PCDH9: variants seen among roughly 807,000 people sequenced by gnomAD.
PCDH9 encodes the protein protocadherin 9, also known as protocadherin-9.
In PCDH9, 24 loss-of-function variants were observed where a neutral mutation model predicts 70.6. The ratio of observed to expected loss-of-function variants is 0.34; its 90% CI spans 0.25 to 0.48. The LOEUF (loss-of-function observed/expected upper bound fraction) is 0.48. Among genes scored for constraint, PCDH9 ranks in the 20% least tolerant of loss-of-function variants. PCDH9 has a pLI of 0.99. For synonymous variants in PCDH9, 562 were observed against 558.5 expected (o/e 1.01, Z -0.09); for missense variants, 1,281 against 1,503.6 (o/e 0.85, Z 2.45).
rs527573720 is a variant in PCDH9, at chr13:67,110,586, T to C, written c.3036+114819A>G. 3.9e-5 allele frequency among the ~76,000 whole-genome samples: 6 copies of C among 152,040 alleles called. No individual in the cohort carries two copies. The East Asian group carries it at 1.2e-3, about 29-fold the overall frequency. ...ACATAAGGGATCTGTGTGACTTTTA[T>C]TGTGATTCTTAATGGTGGATGATTA... On this transcript the variant is annotated intron_variant, in intron 2 of 4. Transcript: ENST00000377865.
chr13:66,601,156 G>C (rs1297792783), intron 4 of PCDH9, among the ~76,000 whole-genome samples: 3 of 145,490 alleles, frequency 2.1e-5, no homozygotes, highest in East Asian at 1.9e-4. Flanking sequence ...CTATTCTTTA[G>C]ACTATAGCTA....
chr13:66,308,140 C>G (rs1955500988), intron 4 of PCDH9, among the ~76,000 whole-genome samples: 1 of 152,006 alleles, frequency 6.6e-6, no homozygotes. Context: ...GGGCCGTTAA[C>G]TGTTTTAGGA....
chr13:66,310,550 C>A (rs540888141), intron 4 of PCDH9, among the ~76,000 whole-genome samples: 5 of 151,948 alleles, frequency 3.3e-5, no homozygotes, highest in African/African-American at 1.2e-4. Context: ...GACCACCGAC[C>A]TTTCAATCTC....
chr13:66,438,122 T>C (rs1427366101), intron 4 of PCDH9, among the ~76,000 whole-genome samples: 1 of 151,562 alleles, frequency 6.6e-6, no homozygotes, highest in African/African-American at 2.4e-5. Flanking sequence ...TAATCCCGGA[T>C]ACTCAGGAGG....
chr13:66,426,005 T>G (rs1957661961), intron 4 of PCDH9, among the ~76,000 whole-genome samples: 1 of 151,624 alleles, frequency 6.6e-6, no homozygotes, highest in Non-Finnish European at 1.5e-5. Context: ...GTCTAATAAA[T>G]TATAGCTATG....
intron 4 of PCDH9, among the ~76,000 whole-genome samples, chr13:66,618,989 A>T (rs140783782): frequency 6.6e-6 from 1 of 152,322 alleles, no homozygotes; most frequent in East Asian, 1.9e-4. Flanking sequence ...AAGCTTAAAC[A>T]TGATAAAATA....
intron 4 of PCDH9, among the ~76,000 whole-genome samples, chr13:66,590,403 A>AT (rs926580314): frequency 2.0e-5 from 3 of 151,928 alleles, no homozygotes; most frequent in Non-Finnish European, 2.9e-5. Context: ...TATAATAAAC[A>AT]TGAGACAAAG....
At chr13:66,594,640 A>G (rs1310089800) in intron 4 of PCDH9, among the ~76,000 whole-genome samples, 2 of 151,284 alleles carry the variant, frequency 1.3e-5, no homozygotes, top group African/African-American at 2.4e-5. Flanking sequence ...TGCATCAGCT[A>G]TTTTTCCTAA....
chr13:66,374,062 G>T (rs1210372764), intron 4 of PCDH9, among the ~76,000 whole-genome samples: 3 of 152,076 alleles, frequency 2.0e-5, no homozygotes, highest in African/African-American at 7.2e-5. Flanking sequence ...TGCTGCAGGG[G>T]ATTGCCAGAG....
intron 2 of PCDH9, among the ~76,000 whole-genome samples, chr13:67,158,891 C>A (rs530229461): frequency 2.6e-5 from 4 of 152,226 alleles, no homozygotes; most frequent in African/African-American, 9.6e-5. Flanking sequence ...AGCTACCATG[C>A]TAAAATTATA....
chr13:66,379,724 T>C (rs1201403153), intron 4 of PCDH9, among the ~76,000 whole-genome samples: 1 of 152,186 alleles, frequency 6.6e-6, no homozygotes. Context: ...AGTATCTTAG[T>C]AGTTTGAGTG....
chr13:66,373,332 G>T (rs1009676102), intron 4 of PCDH9, among the ~76,000 whole-genome samples: 2 of 151,892 alleles, frequency 1.3e-5, no homozygotes, highest in African/African-American at 2.4e-5. Context: ...CAGTGGTGGC[G>T]GGTTGGGGGG....
chr13:66,776,912 G>A (rs572900738), intron 3 of PCDH9, among the ~76,000 whole-genome samples: 1 of 144,616 alleles, frequency 6.9e-6, no homozygotes, highest in South Asian at 2.4e-4. Context: ...AAACAGCATG[G>A]TACTGGTACC....
At chr13:66,919,348 C>T (rs977815630) in intron 2 of PCDH9, among the ~76,000 whole-genome samples, 2 of 151,244 alleles carry the variant, frequency 1.3e-5, no homozygotes, top group African/African-American at 4.8e-5. Context: ...ACCTTCCTTA[C>T]TCAATCCTCT....
intron 3 of PCDH9, among the ~76,000 whole-genome samples, chr13:66,767,242 G>A (rs1360929823): frequency 6.6e-6 from 1 of 151,122 alleles, no homozygotes; most frequent in East Asian, 1.9e-4. Flanking sequence ...TCACAAAAAA[G>A]AGCAAAGGGA....
intron 4 of PCDH9, among the ~76,000 whole-genome samples, chr13:66,401,300 GTTC>G (rs1465255841): frequency 6.6e-6 from 1 of 152,020 alleles, no homozygotes; most frequent in Non-Finnish European, 1.5e-5. Context: ...CCCCCATGCT[GTTC>G]TTCTCGTGAT....
intron 3 of PCDH9, among the ~76,000 whole-genome samples, chr13:66,669,595 T>C (rs1306939283): frequency 6.6e-6 from 1 of 152,112 alleles, no homozygotes; most frequent in Non-Finnish European, 1.5e-5. Flanking sequence ...AGCCGGAGCC[T>C]CTCTCTAGCA....
intron 4 of PCDH9, among the ~76,000 whole-genome samples, chr13:66,575,465 C>T (rs960728063): frequency 6.6e-6 from 1 of 152,120 alleles, no homozygotes; most frequent in East Asian, 1.9e-4. Flanking sequence ...TGGTTCTTAA[C>T]TGGTTTTGGA....
chr13:66,825,333 A>AATTTT (rs2080800948), intron 3 of PCDH9: 1 of 63,526 alleles, frequency 1.6e-5, no homozygotes, highest in African/African-American at 4.9e-5. Context: ...TGTTATAAAA[A>AATTTT]CTTTTTTTTT....
Sources: allele counts gnomAD v4.1 joint callset (sites outside exome capture counted in the v4.1 genomes callset), GRCh38; gene constraint gnomAD v4.1.1; transcripts MANE v1.5; gene names NCBI Gene and HGNC (gene_info 2026-07-23, HGNC 2026-07-21).